Variants in LRRTM4 observed in about 807,000 individuals in gnomAD.
LRRTM4 encodes the protein leucine-rich repeat transmembrane neuronal protein 4.
A neutral mutation model predicts 47.6 loss-of-function variants in LRRTM4; 25 were observed. That is an observed-to-expected ratio of 0.53 (90% CI 0.38 to 0.73). The LOEUF (loss-of-function observed/expected upper bound fraction) is 0.73, where lower values mean the gene tolerates loss of function less well. Among genes scored for constraint, LRRTM4 ranks in the 30% least tolerant of loss-of-function variants. The pLI, the probability that LRRTM4 is intolerant of heterozygous loss-of-function variation, is 0.00. For missense variants in LRRTM4, 638 were observed against 713.4 expected (o/e 0.89, Z 1.20); for synonymous variants, 311 against 269.5 (o/e 1.15, Z -1.51).
At chr2:76,769,478 T>C (rs1673592699) in intron 3 of LRRTM4, among the ~76,000 whole-genome samples, 1 of 152,020 alleles carries the variant, frequency 6.6e-6, no homozygotes, top group South Asian at 2.1e-4. Flanking sequence ...AATAATTAAA[T>C]GAATTTCGGA....
At chr2:76,945,414 C>A (rs566490511) in intron 3 of LRRTM4, among the ~76,000 whole-genome samples, 1 of 152,042 alleles carries the variant, frequency 6.6e-6, no homozygotes, top group South Asian at 2.1e-4. Context: ...GAAAATGGCC[C>A]TATAAGGCAT....
chr2:77,269,686 T>A (rs568478923), intron 3 of LRRTM4, among the ~76,000 whole-genome samples: 51 of 152,334 alleles, frequency 3.3e-4, no homozygotes, highest in African/African-American at 1.2e-3. Flanking sequence ...TAAACAAGGA[T>A]CTTTGTTAAA....
intron 3 of LRRTM4, among the ~76,000 whole-genome samples, chr2:76,789,918 T>C (rs895072696): frequency 6.6e-6 from 1 of 152,204 alleles, no homozygotes; most frequent in African/African-American, 2.4e-5. Context: ...ATTTCACTTT[T>C]AGATGGGTTG....
chr2:77,476,964 ATGTGTGTGTG>A (rs59247356), intron 3 of LRRTM4, among the ~76,000 whole-genome samples: 20 of 143,794 alleles, frequency 1.4e-4, no homozygotes, highest in African/African-American at 3.8e-4. Context: ...TTTGTAAGAG[ATGTGTGTGTG>A]TGTGTGTGTG....
At chr2:76,762,828 T>A (rs1000737179) in intron 3 of LRRTM4, among the ~76,000 whole-genome samples, 1 of 152,182 alleles carries the variant, frequency 6.6e-6, no homozygotes, top group Non-Finnish European at 1.5e-5. Flanking sequence ...ATGAAAGCCA[T>A]AAATTACATA....
intron 3 of LRRTM4, among the ~76,000 whole-genome samples, chr2:76,929,298 T>G (rs769244345): frequency 2.6e-5 from 4 of 152,154 alleles, no homozygotes; most frequent in Non-Finnish European, 5.9e-5. Flanking sequence ...CTAACGCCCA[T>G]GAACCACATC....
Position 76,748,699 on chromosome 2 carries a change from T to C in LRRTM4, c.1769A>G (p.Asn590Ser). The C allele has an allele frequency of 6.2e-7, 1 of 1,610,134 alleles. No homozygotes were observed. The highest frequency in any genetic ancestry group is 8.5e-7 in the Non-Finnish European group (1 of 1,178,252). ...AGTGAGGAGTTGGCTTCAGCGTTAG[T>C]TTGCAATTCTCTCTAGGTAGATGGC... ...APAIYLERIAN is the reference protein window; with the variant it reads ...APAIYLERIAS Residue 590 changes from asparagine to serine, a missense_variant, in exon 4 of 4, where the codon AAC becomes AGC. Transcript: ENST00000409884.
intron 3 of LRRTM4, among the ~76,000 whole-genome samples, chr2:77,211,028 T>C (rs570227242): frequency 1.3e-5 from 2 of 152,262 alleles, no homozygotes; most frequent in South Asian, 2.1e-4. Context: ...AGCTCCCCTG[T>C]ACCCCTGTGG....
At chr2:77,095,272 G>A (rs1670774710) in intron 3 of LRRTM4, among the ~76,000 whole-genome samples, 2 of 152,084 alleles carry the variant, frequency 1.3e-5, no homozygotes, top group African/African-American at 4.8e-5. Context: ...GTTTTGGCAG[G>A]GATGTGGAGG....
At chr2:77,442,935 G>A (rs188451099) in intron 3 of LRRTM4, among the ~76,000 whole-genome samples, 4 of 152,142 alleles carry the variant, frequency 2.6e-5, no homozygotes, top group African/African-American at 9.7e-5. Context: ...TGGCTTAAAT[G>A]ATATAATCTG....
intron 3 of LRRTM4, among the ~76,000 whole-genome samples, chr2:77,067,916 G>A (rs546410076): frequency 6.6e-6 from 1 of 152,108 alleles, no homozygotes; most frequent in South Asian, 2.1e-4. Flanking sequence ...AAGGGAAAGT[G>A]ATATATTTTC....
chr2:77,102,371 C>T (rs986955357), intron 3 of LRRTM4, among the ~76,000 whole-genome samples: 1 of 152,248 alleles, frequency 6.6e-6, no homozygotes. Flanking sequence ...CACGTATTCC[C>T]ACTTCGGCTG....
At position 76,789,138 on chromosome 2, in the gene LRRTM4, T is replaced by G. The variant is rs145877107; in HGVS notation, c.1552-40222A>C. 4.6e-3 allele frequency among the ~76,000 whole-genome samples: 706 copies of G among 152,264 alleles called. 10 individuals are homozygous for G. Among genetic ancestry groups the G allele is most frequent in the African/African-American group, 0.016 (674 of 41,562 alleles). On this transcript the variant is annotated intron_variant, in intron 3 of 3. Coordinates refer to ENST00000409884, the MANE Select transcript of LRRTM4 (RefSeq NM_001134745.3). ...GTTCCAGCCCACGCTGCACTCACAC[T>G]CCCTACCTCAAAGGGAGCACTCTCA...
At chr2:76,990,308 A>G (rs1019593091) in intron 3 of LRRTM4, among the ~76,000 whole-genome samples, 12 of 151,798 alleles carry the variant, frequency 7.9e-5, no homozygotes, top group African/African-American at 2.7e-4. Context: ...TAATACATCA[A>G]TATTAACCTT....
chr2:76,847,303 T>G (rs929614346), intron 3 of LRRTM4, among the ~76,000 whole-genome samples: 1 of 152,166 alleles, frequency 6.6e-6, no homozygotes, highest in African/African-American at 2.4e-5. Flanking sequence ...GTAACATAAT[T>G]TCCGATAGAA....
At chr2:76,866,336 T>G (rs1672467699) in intron 3 of LRRTM4, among the ~76,000 whole-genome samples, 1 of 152,228 alleles carries the variant, frequency 6.6e-6, no homozygotes, top group African/African-American at 2.4e-5. Flanking sequence ...GAAACAATTA[T>G]GATGCAGTGA....
At chr2:77,042,721 G>A (rs975953673) in intron 3 of LRRTM4, among the ~76,000 whole-genome samples, 1 of 151,632 alleles carries the variant, frequency 6.6e-6, no homozygotes, top group African/African-American at 2.4e-5. Context: ...CTAATGAAGT[G>A]TTTCTAAACC....
intron 3 of LRRTM4, among the ~76,000 whole-genome samples, chr2:77,340,486 T>C (rs948753460): frequency 1.3e-5 from 2 of 151,908 alleles, no homozygotes; most frequent in Admixed American, 6.6e-5. Flanking sequence ...ATATCCACAT[T>C]TGGAACATCA....
intron 3 of LRRTM4, among the ~76,000 whole-genome samples, chr2:77,447,155 A>C (rs1676083206): frequency 6.7e-6 from 1 of 149,764 alleles, no homozygotes; most frequent in Non-Finnish European, 1.5e-5. Flanking sequence ...CACATCTTTC[A>C]CCAGATTCTC....
Sources: allele counts gnomAD v4.1 joint callset (sites outside exome capture counted in the v4.1 genomes callset), GRCh38; gene constraint gnomAD v4.1.1; transcripts MANE v1.5; gene names NCBI Gene and HGNC (gene_info 2026-07-23, HGNC 2026-07-21).